The following KIF13B variants were observed in gnomAD, a reference collection of about 807,000 sequenced individuals.
KIF13B encodes the protein kinesin family member 13B.
KIF13B carries 127 observed loss-of-function variants against 222.0 expected under a neutral mutation model. That is an observed-to-expected ratio of 0.57 (90% CI 0.50 to 0.66). KIF13B has a LOEUF of 0.66. Among genes scored for constraint, KIF13B ranks in the 30% least tolerant of loss-of-function variants. The pLI is 0.00. For missense variants in KIF13B, 2,173 were observed against 2,379.0 expected (o/e 0.91, Z 1.80); for synonymous variants, 976 against 919.0 (o/e 1.06, Z -1.12).
chr8:29,173,466 GAA>G (rs57480607), intron 10 of KIF13B, among the ~76,000 whole-genome samples: 1 of 140,372 alleles, frequency 7.1e-6, no homozygotes. Context: ...ACTAAAAATT[GAA>G]AAAAAAAAAA....
At chr8:29,184,727 CA>C (rs1812858224) in intron 6 of KIF13B, among the ~76,000 whole-genome samples, 1 of 152,134 alleles carries the variant, frequency 6.6e-6, no homozygotes, top group South Asian at 2.1e-4. Flanking sequence ...GCCATACAAG[CA>C]CTCTGGATTA....
intron 1 of KIF13B, among the ~76,000 whole-genome samples, chr8:29,252,148 T>C (rs17059855): frequency 0.07 from 10,667 of 152,306 alleles, 472 homozygotes; most frequent in Admixed American, 0.1. Flanking sequence ...CCAAACAAGA[T>C]TCCTTTCCAG....
chr8:29,235,486 C>G (rs563356853), intron 2 of KIF13B, among the ~76,000 whole-genome samples: 1 of 152,286 alleles, frequency 6.6e-6, no homozygotes, highest in Admixed American at 6.5e-5. Context: ...TTGAGGGTAA[C>G]ATCAGAGCAG....
At chr8:29,201,339 T>C (rs1425286723) in intron 2 of KIF13B, among the ~76,000 whole-genome samples, 2 of 152,266 alleles carry the variant, frequency 1.3e-5, no homozygotes. Flanking sequence ...TGTGGGCTCA[T>C]GCTCACTTCT....
intron 19 of KIF13B, among the ~76,000 whole-genome samples, chr8:29,141,127 A>C (rs1051020289): frequency 2.0e-5 from 3 of 152,118 alleles, no homozygotes; most frequent in African/African-American, 7.2e-5. Flanking sequence ...TGAGGTCAAG[A>C]GTTTGAGACC....
chr8:29,137,034 T>A (rs1286192272), intron 21 of KIF13B, among the ~76,000 whole-genome samples: 1 of 151,908 alleles, frequency 6.6e-6, no homozygotes, highest in Non-Finnish European at 1.5e-5. Context: ...TCTCCTGACC[T>A]TGTGATCCGC....
chr8:29,233,152 T>C (rs763124909), intron 2 of KIF13B, among the ~76,000 whole-genome samples: 3 of 152,142 alleles, frequency 2.0e-5, no homozygotes, highest in Admixed American at 6.5e-5. Context: ...TGAGACTCCA[T>C]CTGAAAAAAG....
intron 8 of KIF13B, among the ~76,000 whole-genome samples, chr8:29,178,833 T>C (rs1210528714): frequency 2.6e-5 from 4 of 152,154 alleles, no homozygotes; most frequent in Non-Finnish European, 4.4e-5. Flanking sequence ...TATTTTACCT[T>C]CTGGTATTTA....
At position 29,190,874 on chromosome 8, in the gene KIF13B, T is replaced by C. The variant is rs77714093; in HGVS notation, c.223+123A>G. ...TCATCTTCTGTGTTGATGACTGTTA[T>C]TGTGGTGTGACAGCAGAGGAAACAC... On this transcript the variant is annotated intron_variant, in intron 4 of 39. Coordinates refer to ENST00000524189, the MANE Select transcript of KIF13B (RefSeq NM_015254.4). 1,356 of 802,446 alleles carry C rather than the reference T, an allele frequency of 1.7e-3. 18 individuals carry two copies. The East Asian group carries it at 0.027, about 16-fold the overall frequency. 49.7% of individuals were successfully genotyped at this position (802,446 alleles called of 1,614,324 possible).
chr8:29,104,060 T>C (rs373127060), intron 35 of KIF13B, among the ~76,000 whole-genome samples: 14 of 152,096 alleles, frequency 9.2e-5, no homozygotes, highest in East Asian at 3.9e-4. Flanking sequence ...ACTCCTCCCC[T>C]GGACTTCTGA....
At chr8:29,245,525 A>G in intron 1 of KIF13B, 86 bp from the exon 2 acceptor site, 1 of 889,472 alleles carries the variant, frequency 1.1e-6, no homozygotes, top group South Asian at 1.6e-5. Flanking sequence ...CAAAAATTCA[A>G]TACTCTTTCA....
chr8:29,118,816 A>G, intron 30 of KIF13B, 52 bp downstream of exon 30: 1 of 1,589,962 alleles, frequency 6.3e-7, no homozygotes, highest in Non-Finnish European at 8.6e-7. Context: ...GCTCGAGGAG[A>G]GGTTAAGGAA....
chr8:29,134,239 G>C (rs753513619), intron 21 of KIF13B, 29 bp from the exon 22 acceptor site: 2 of 1,605,286 alleles, frequency 1.2e-6, no homozygotes, highest in Non-Finnish European at 1.7e-6. Context: ...TCTGTGTTTT[G>C]AAATCTGAGG....
chr8:29,214,180 A>C (rs1814370707), intron 2 of KIF13B, among the ~76,000 whole-genome samples: 1 of 152,224 alleles, frequency 6.6e-6, no homozygotes. Context: ...AGGCTACGCT[A>C]AATTTATTTT....
intron 6 of KIF13B, among the ~76,000 whole-genome samples, chr8:29,182,731 A>G (rs1360182568): frequency 6.6e-6 from 1 of 152,082 alleles, no homozygotes; most frequent in Middle Eastern, 3.2e-3. Context: ...AATATAAACC[A>G]AAAATATTAA....
intron 35 of KIF13B, among the ~76,000 whole-genome samples, chr8:29,100,438 C>T (rs1808735110): frequency 6.6e-6 from 1 of 151,984 alleles, no homozygotes; most frequent in Admixed American, 6.6e-5. Context: ...TGAGCTAGTG[C>T]TGCACAGATG....
In KIF13B at chr8:29,177,582, C is replaced by G; in HGVS notation, c.721-4G>C. The G allele has an allele frequency of 6.3e-7, 1 of 1,585,514 alleles. No homozygotes were observed. The highest frequency in any genetic ancestry group is 2.2e-5 in the East Asian group (1 of 44,748). On this transcript the variant is annotated splice_polypyrimidine_tract_variant and splice_region_variant and intron_variant, in intron 8 of 39. Transcript: ENST00000524189. ...TGCCCACTTTCTCTCCAGATGTCTA[C>G]AAAGGAAATCAATCAATACTAATCA...
intron 2 of KIF13B, among the ~76,000 whole-genome samples, chr8:29,223,571 T>C (rs1214834242): frequency 1.3e-5 from 2 of 152,124 alleles, no homozygotes; most frequent in Non-Finnish European, 2.9e-5. Flanking sequence ...TGCAATAAAA[T>C]TTAACACGTA....
chr8:29,191,292 C>CA (rs1271913792), intron 3 of KIF13B, among the ~76,000 whole-genome samples: 1 of 152,196 alleles, frequency 6.6e-6, no homozygotes, highest in African/African-American at 2.4e-5. Flanking sequence ...TGCACACACA[C>CA]ATGCACCTAC....
Sources: allele counts gnomAD v4.1 joint callset (sites outside exome capture counted in the v4.1 genomes callset), GRCh38; gene constraint gnomAD v4.1.1; transcripts MANE v1.5; gene names NCBI Gene and HGNC (gene_info 2026-07-23, HGNC 2026-07-21).